DHX57: variants seen among roughly 807,000 people sequenced by gnomAD.
DHX57 encodes putative ATP-dependent RNA helicase DHX57.
In DHX57, 105 loss-of-function variants were observed where a neutral mutation model predicts 156.2. The ratio of observed to expected loss-of-function variants is 0.67; its 90% confidence interval spans 0.57 to 0.79. DHX57 has a LOEUF of 0.79. Ranked by LOEUF, DHX57 falls within the 30% of genes least tolerant of loss-of-function variation. The probability of loss-of-function intolerance (pLI) is 0.00; values close to 1 mark genes in which losing one functional copy is unlikely to be tolerated. For synonymous variants in DHX57, 704 were observed against 595.6 expected, an observed-to-expected ratio of 1.18 and a Z score of -2.65; for missense variants, 1,847 against 1,661.9, an observed-to-expected ratio of 1.11 and a Z score of -1.94.
At chr2:38,840,931 G>A (rs549188538) in intron 12 of DHX57, among the ~76,000 whole-genome samples, 68 of 152,136 alleles carry the variant, frequency 4.5e-4, no homozygotes, top group African/African-American at 1.0e-3. Flanking sequence ...CAATCCTCCC[G>A]CCTCAGCCTC....
intron 21 of DHX57, chr2:38,811,454 C>A: frequency 3.2e-6 from 2 of 632,880 alleles, no homozygotes; most frequent in Non-Finnish European, 6.0e-6. Flanking sequence ...CCTCCACGAA[C>A]TCCTTGCTGA....
At chr2:38,801,832 G>C (rs1471645176) in intron 23 of DHX57, among the ~76,000 whole-genome samples, 1 of 152,046 alleles carries the variant, frequency 6.6e-6, no homozygotes, top group Non-Finnish European at 1.5e-5. Context: ...CCTGACCTCA[G>C]GTGATCTGCC....
intron 13 of DHX57, among the ~76,000 whole-genome samples, chr2:38,831,357 TG>T (rs1185860551): frequency 4.6e-5 from 7 of 151,172 alleles, no homozygotes; most frequent in African/African-American, 1.7e-4. Context: ...GTCTCGCTCT[TG>T]TCCCCCAGGC....
At chr2:38,804,512 AAAAAT>A (rs1669852287) in intron 22 of DHX57, among the ~76,000 whole-genome samples, 2 of 152,194 alleles carry the variant, frequency 1.3e-5, no homozygotes, top group East Asian at 1.9e-4. Context: ...AAATAAAAAT[AAAAAT>A]AAAAACAAAA....
intron 1 of DHX57, among the ~76,000 whole-genome samples, chr2:38,873,014 G>C (rs1043390131): frequency 4.0e-5 from 6 of 151,614 alleles, no homozygotes; most frequent in African/African-American, 1.5e-4. Flanking sequence ...TTAAGACAGA[G>C]TCTTGCTCTG....
At chr2:38,862,078 G>C in intron 4 of DHX57, 67 bp downstream of exon 4, 1 of 1,498,752 alleles carries the variant, frequency 6.7e-7, no homozygotes, top group Non-Finnish European at 9.0e-7. Context: ...AAGAGGGGTA[G>C]TGGGTTTATA....
At chr2:38,830,765 TTA>T (rs1558375545) in intron 13 of DHX57, among the ~76,000 whole-genome samples, 1 of 152,144 alleles carries the variant, frequency 6.6e-6, no homozygotes, top group Non-Finnish European at 1.5e-5. Context: ...GTTCTTTCCA[TTA>T]CATACCCCAT....
rs963833028 is a variant in DHX57, at chr2:38,825,942, G to C, written c.2919C>G (p.Cys973Trp). ...AGTGATGGCTAGTGAATAAATGGAAGCAGACCCCAGATGCAACACGGCCTG... is the reference window on the plus strand; with the variant it reads ...AGTGATGGCTAGTGAATAAATGGAACCAGACCCCAGATGCAACACGGCCTG... ...GRAGRVASGVCFHLFTSHHYN... is the reference protein window; with the variant it reads ...GRAGRVASGVWFHLFTSHHYN... The change falls in exon 16 of 24, where the codon TGC becomes TGG. Residue 973 changes from cysteine (C) to tryptophan (W), a missense_variant. Physicochemically the swap from Cys to Trp is radical, Grantham distance 215. Transcript: ENST00000457308. 1.2e-6 allele frequency: 2 copies of C among 1,614,062 alleles called. No individual in the cohort carries two copies. The highest frequency in any genetic ancestry group is 8.5e-7 in the Non-Finnish European group (1 of 1,180,040).
chr2:38,831,961 G>A (rs1671406205), intron 13 of DHX57, among the ~76,000 whole-genome samples: 1 of 152,092 alleles, frequency 6.6e-6, no homozygotes, highest in Admixed American at 6.6e-5. Context: ...GGCAGAGGTT[G>A]CAGTGAGCTG....
At chr2:38,842,954 A>G in intron 12 of DHX57, 51 bp downstream of exon 12, 1 of 1,571,170 alleles carries the variant, frequency 6.4e-7, no homozygotes, top group East Asian at 2.2e-5. Flanking sequence ...GTAAGAAAGA[A>G]TACTAGAAAT....
intron 13 of DHX57, among the ~76,000 whole-genome samples, chr2:38,836,406 T>C (rs1022537787): frequency 5.3e-5 from 8 of 152,182 alleles, no homozygotes; most frequent in East Asian, 3.8e-4. Context: ...ACTTAATGAA[T>C]AGTAAATATA....
rs932636837 is a variant in DHX57 at position 38,861,301 on chromosome 2, G to A, written c.1109C>T (p.Pro370Leu). 9.9e-6 allele frequency: 16 copies of A among 1,614,004 alleles called. No individual in the cohort carries two copies. The highest frequency in any genetic ancestry group is 2.7e-5 in the African/African-American group (2 of 74,900). Residue 370 changes from proline to leucine, a missense_variant, in exon 5 of 24, where the codon CCG becomes CTG. By Grantham distance (98) the Pro-to-Leu change is moderately conservative (BLOSUM62 -3). Coordinates refer to ENST00000457308, the MANE Select transcript of DHX57 (RefSeq NM_198963.3). ...ATTGGTGGAATAAAATGCCACGAGC[G>A]GAGCTTGGTAGGGATATTTGTGGTC... ...SKDHKYPYQA[P>L]LVAFYSTNEN...
chr2:38,838,842 C>A (rs776875597), intron 12 of DHX57: 4 of 452,998 alleles, frequency 8.8e-6, no homozygotes, highest in Non-Finnish European at 1.8e-5. Context: ...CCCTCACAAT[C>A]TCCCCACTCA....
chr2:38,855,778 C>T (rs980590078), intron 7 of DHX57, among the ~76,000 whole-genome samples: 1 of 152,038 alleles, frequency 6.6e-6, no homozygotes, highest in Non-Finnish European at 1.5e-5. Flanking sequence ...GGAAAAATAA[C>T]GCACCATAAT....
chr2:38,847,345 T>C (rs1672341651), intron 10 of DHX57, among the ~76,000 whole-genome samples: 1 of 152,112 alleles, frequency 6.6e-6, no homozygotes, highest in Non-Finnish European at 1.5e-5. Flanking sequence ...CCTCCTCCCC[T>C]GCCCCCGCCA....
chr2:38,827,671 T>G (rs961053397), intron 14 of DHX57, among the ~76,000 whole-genome samples: 1 of 151,344 alleles, frequency 6.6e-6, no homozygotes, highest in Non-Finnish European at 1.5e-5. Flanking sequence ...CAAATAGTTT[T>G]CCCCTTAAAA....
intron 15 of DHX57, 84 bp downstream of exon 15, chr2:38,826,432 T>TCGGTGGTCGCCG: frequency 6.8e-7 from 1 of 1,467,194 alleles, no homozygotes; most frequent in Non-Finnish European, 9.3e-7. Context: ...TCCGTGTAGC[T>TCGGTGGTCGCCG]TAATAGCATT....
At position 38,817,540 on chromosome 2, in the gene DHX57, T is replaced by A. The variant is rs184744999; in HGVS notation, c.3471+1337A>T. ...TATGTTGGCCAGGCTGGTCTTGAAC[T>A]CCTGGCCTCAAGTGATCTGCCTCCC... is the stretch of plus-strand genomic sequence containing the variant. On this transcript the variant is annotated intron_variant, in intron 19 of 23. Coordinates refer to ENST00000457308, the MANE Select transcript of DHX57 (RefSeq NM_198963.3). Among the ~76,000 whole-genome samples, 733 of 152,148 alleles carry A rather than the reference T, an allele frequency of 4.8e-3. 6 individuals carry two copies. Among genetic ancestry groups the A allele is most frequent in the African/African-American group, 0.017 (708 of 41,524 alleles).
At chr2:38,828,947 T>C (rs1671242768) in intron 13 of DHX57, among the ~76,000 whole-genome samples, 1 of 152,130 alleles carries the variant, frequency 6.6e-6, no homozygotes, top group Non-Finnish European at 1.5e-5. Flanking sequence ...TTTATTTTAA[T>C]TTTTATTTTT....
Sources: gnomAD v4.1 joint callset for allele counts (sites outside exome capture counted in the v4.1 genomes callset) on GRCh38, gnomAD v4.1.1 for gene constraint, MANE v1.5 for transcripts, NCBI Gene and HGNC (gene_info 2026-07-23, HGNC 2026-07-21) for gene names.